Variants in FRMPD4 observed in about 807,000 individuals in gnomAD.
The protein encoded by FRMPD4 is FERM and PDZ domain-containing protein 4.
In FRMPD4, 22 loss-of-function variants were observed where a neutral mutation model predicts 94.1. The observed-to-expected ratio is 0.23, with a 90% CI of 0.17 to 0.33. The LOEUF is 0.33. Among genes scored for constraint, FRMPD4 ranks in the 10% least tolerant of loss-of-function variants. The pLI is 1.00. For missense variants in FRMPD4, 1,111 were observed against 1,339.9 expected (o/e 0.83, Z 2.67); for synonymous variants, 631 against 548.6 (o/e 1.15, Z -2.10).
At position 12,544,758 on chromosome X, in the gene FRMPD4, A is replaced by G. The variant is rs372367651; in HGVS notation, c.158+45962A>G. Among the ~76,000 whole-genome samples the G allele has an allele frequency of 7.1e-3, 786 of 110,897 alleles. 5 individuals are homozygous for G. The highest frequency in any genetic ancestry group is 0.025 in the African/African-American group (755 of 30,167). ...CTCATCAGGTCCTTCTCAGGAACCT[A>G]AATGGGTTACTCTAAACCTATGTAC... On this transcript the variant is annotated intron_variant, in intron 2 of 16. Coordinates refer to ENST00000675598, the MANE Select transcript of FRMPD4 (RefSeq NM_001368397.1).
chrX:11,874,099 A>C (rs1351612510), intron 2 of FRMPD4, among the ~76,000 whole-genome samples: 2 of 112,125 alleles, frequency 1.8e-5, no homozygotes, highest in African/African-American at 6.5e-5. Context: ...GAACATGTGA[A>C]CATATAAATA....
At chrX:12,452,368 A>G (rs2057282832) in intron 1 of FRMPD4, among the ~76,000 whole-genome samples, 1 of 112,181 alleles carries the variant, frequency 8.9e-6, no homozygotes, top group Admixed American at 9.4e-5. Flanking sequence ...TAATATCTGC[A>G]TCATATTCAT....
At chrX:12,239,132 T>C (rs1308220237) in intron 1 of FRMPD4, among the ~76,000 whole-genome samples, 2 of 112,444 alleles carry the variant, frequency 1.8e-5, no homozygotes, top group Non-Finnish European at 3.8e-5. Flanking sequence ...TTAAGACAAG[T>C]ACCACTTTTG....
intron 1 of FRMPD4, among the ~76,000 whole-genome samples, chrX:12,476,778 C>T (rs57485410): frequency 0.017 from 1,927 of 111,377 alleles, 43 homozygotes; most frequent in African/African-American, 0.059. Context: ...CGATCTCACA[C>T]CAGTTAGAAT....
rs2054908918 is a variant in FRMPD4, at chrX:12,064,823, A to T, written c.95+186805A>T. Among the ~76,000 whole-genome samples, 3 of 112,252 alleles carry T rather than the reference A, an allele frequency of 2.7e-5. No individual in the cohort carries two copies. The South Asian group carries it at 1.1e-3, about 42-fold the overall frequency. On this transcript the variant is annotated intron_variant, in intron 3 of 18. Transcript: ENST00000640291. Reference sequence around the variant, plus strand: ...TAGTTGAGCTCCAAAACAATTGAAAATGTTCATTTCAGTGGATTAATATAA... The same window carrying T: ...TAGTTGAGCTCCAAAACAATTGAAATTGTTCATTTCAGTGGATTAATATAA...
At chrX:11,961,376 C>T (rs1193143271) in intron 3 of FRMPD4, among the ~76,000 whole-genome samples, 1 of 112,225 alleles carries the variant, frequency 8.9e-6, no homozygotes, top group Non-Finnish European at 1.9e-5. Context: ...GCCTTGGTGT[C>T]CTCACTTGGC....
intron 1 of FRMPD4, among the ~76,000 whole-genome samples, chrX:12,161,201 G>A (rs895330653): frequency 9.3e-6 from 1 of 107,793 alleles, no homozygotes; most frequent in African/African-American, 3.4e-5. Flanking sequence ...CTCTGTTACC[G>A]AGGCTAGAGT....
intron 2 of FRMPD4, among the ~76,000 whole-genome samples, chrX:12,584,909 CTATTTT>C (rs1416173980): frequency 9.0e-6 from 1 of 111,620 alleles, no homozygotes; most frequent in Non-Finnish European, 1.9e-5. Context: ...TTGGGTTTCT[CTATTTT>C]TATTTTTTTA....
intron 1 of FRMPD4, among the ~76,000 whole-genome samples, chrX:12,219,198 G>A (rs774768871): frequency 9.0e-6 from 1 of 111,416 alleles, no homozygotes; most frequent in Non-Finnish European, 1.9e-5. Context: ...ACGAAATCTC[G>A]TCTCTACAAA....
chrX:12,429,944 G>A (rs760360169), intron 1 of FRMPD4, among the ~76,000 whole-genome samples: 2 of 111,964 alleles, frequency 1.8e-5, no homozygotes, highest in South Asian at 7.6e-4. Context: ...GAGGACACGG[G>A]ATTCGAGATG....
chrX:11,862,964 T>TTC (rs1420593367), intron 1 of FRMPD4, among the ~76,000 whole-genome samples: 1 of 91,801 alleles, frequency 1.1e-5, no homozygotes, highest in Non-Finnish European at 2.1e-5. Flanking sequence ...AACTTGGTTT[T>TTC]TTTTTTTTTT....
intron 1 of FRMPD4, among the ~76,000 whole-genome samples, chrX:12,151,041 A>G (rs2055843442): frequency 9.0e-6 from 1 of 111,726 alleles, no homozygotes; most frequent in African/African-American, 3.3e-5. Context: ...GCTCTTTTGA[A>G]ATGTCACACT....
chrX:12,138,610 C>G lies in FRMPD4; in HGVS notation c.-362C>G. ...AGAGCAGCGCCTCTCGCCCAGGCCTCGCTTTCTCTGGACGCCCGGCAGTCC... is the reference window on the plus strand; with the variant it reads ...AGAGCAGCGCCTCTCGCCCAGGCCTGGCTTTCTCTGGACGCCCGGCAGTCC... On this transcript the variant is annotated 5_prime_UTR_variant, in exon 1 of 17. Coordinates refer to ENST00000675598, the MANE Select transcript of FRMPD4 (RefSeq NM_001368397.1). 2 of 284,890 alleles carry G rather than the reference C, an allele frequency of 7.0e-6. No homozygotes were observed. The highest frequency in any genetic ancestry group is 1.2e-5 in the Non-Finnish European group (2 of 162,450). 23.5% of individuals were successfully genotyped at this position (284,890 alleles called of 1,213,427 possible).
At chrX:12,479,466 A>ATATATATG (rs1306736512) in intron 1 of FRMPD4, among the ~76,000 whole-genome samples, 114 of 100,365 alleles carry the variant, frequency 1.1e-3, no homozygotes, top group African/African-American at 4.1e-3. Context: ...GTATATATGT[A>ATATATATG]TATATATGTA....
intron 4 of FRMPD4, among the ~76,000 whole-genome samples, chrX:12,627,254 C>T (rs112302736): frequency 1.8e-4 from 20 of 111,757 alleles, no homozygotes; most frequent in African/African-American, 5.9e-4. Context: ...CCAGCTTGGG[C>T]GACAGAGACT....
chrX:12,617,065 G>A (rs1462095183), intron 4 of FRMPD4, among the ~76,000 whole-genome samples: 4 of 111,692 alleles, frequency 3.6e-5, no homozygotes, highest in African/African-American at 1.3e-4. Flanking sequence ...CTGGTTTAAC[G>A]CTTGTAGAAG....
rs959573346 is a variant in FRMPD4 at position 12,408,323 on chromosome X, T to A, written c.42-90357T>A. ...GATGGAGCTGCTTTAGCCTTTACAA[T>A]ATCACATCTAATTCTCAGTTTTCTT... On this transcript the variant is annotated intron_variant, in intron 1 of 16. Coordinates refer to ENST00000675598, the MANE Select transcript of FRMPD4 (RefSeq NM_001368397.1). 2.7e-5 allele frequency among the ~76,000 whole-genome samples: 3 copies of A among 109,522 alleles called. No individual in the cohort carries two copies. The East Asian group carries it at 8.5e-4, about 31-fold the overall frequency.
rs1489665910 is a variant in FRMPD4, at chrX:12,550,840, TAAG to T, written c.158+52047_158+52049del. On this transcript the variant is annotated intron_variant, in intron 2 of 16. Coordinates refer to ENST00000675598, the MANE Select transcript of FRMPD4 (RefSeq NM_001368397.1). ...CTTACTTTCTCTTTTAGAGTGTATA[TAAG>T]AATATAGCAAATATATTCATATATA... 7.2e-5 allele frequency among the ~76,000 whole-genome samples: 8 copies of T among 110,657 alleles called. No individual in the cohort carries two copies. The East Asian group carries it at 2.2e-3, about 31-fold the overall frequency.
At chrX:12,416,836 A>C (rs2056807836) in intron 1 of FRMPD4, among the ~76,000 whole-genome samples, 1 of 111,838 alleles carries the variant, frequency 8.9e-6, no homozygotes, top group Admixed American at 9.4e-5. Flanking sequence ...CACTTTACAA[A>C]GGAAGTCACA....
Sources: allele counts gnomAD v4.1 joint callset (sites outside exome capture counted in the v4.1 genomes callset), GRCh38; gene constraint gnomAD v4.1.1; transcripts MANE v1.5; gene names NCBI Gene and HGNC (gene_info 2026-07-23, HGNC 2026-07-21).